The following VRK3 variants were observed in gnomAD, a reference collection of about 807,000 sequenced individuals.
VRK3 encodes VRK serine/threonine kinase 3, also known as serine/threonine-protein kinase VRK3.
In VRK3, 50 loss-of-function variants were observed where a neutral mutation model predicts 60.4. That is an observed-to-expected ratio of 0.83 (90% CI 0.66 to 1.05). The LOEUF is 1.05. VRK3 is among the 50% of genes least tolerant of loss of function. VRK3 has a pLI of 0.00. For missense variants in VRK3, 549 were observed against 585.3 expected, an observed-to-expected ratio of 0.94 and a Z score of 0.64; for synonymous variants, 246 against 227.8, an observed-to-expected ratio of 1.08 and a Z score of -0.72.
At chr19:49,981,938 A>AGAGG (rs2076429963) in intron 12 of VRK3, 1 of 696,394 alleles carries the variant, frequency 1.4e-6, no homozygotes, top group Non-Finnish European at 2.3e-6. Context: ...GCTGTGCCTG[A>AGAGG]GAGGGGGTCA....
At chr19:50,010,455 C>T (rs1053468885) in intron 3 of VRK3, among the ~76,000 whole-genome samples, 1 of 152,150 alleles carries the variant, frequency 6.6e-6, no homozygotes, top group African/African-American at 2.4e-5. Context: ...TGATGTTTGT[C>T]TTTAAAGGAT....
chr19:49,981,617 G>A (rs995735917), intron 12 of VRK3: 22 of 702,818 alleles, frequency 3.1e-5, no homozygotes, highest in Non-Finnish European at 3.9e-5. Context: ...TATGTAATAA[G>A]TATTGTTGAT....
In VRK3 at chr19:50,007,692, G is replaced by A. The variant is rs200043165; in HGVS notation, c.424C>T (p.Arg142Trp). The part of the protein sequence containing the change: ...KTRQSPQTLK[R>W]SRVTTSLEAL... ...TCAAGTGAGGTGGTCACTCGGCTCC[G>A]CTTCAGCGTCTGAGGGCTCTGCCTG... Residue 142 changes from arginine (R) to tryptophan (W), a missense_variant, in exon 5 of 15, where the codon CGG becomes TGG. By Grantham distance (101) the Arg-to-Trp change is moderately radical (BLOSUM62 -3). Transcript: ENST00000316763. The A allele has an allele frequency of 1.2e-5, 20 of 1,614,182 alleles. No individual in the cohort carries two copies. The highest frequency in any genetic ancestry group is 1.6e-5 in the Non-Finnish European group (19 of 1,180,044).
intron 6 of VRK3, chr19:49,998,958 A>T (rs1455787088): frequency 6.8e-6 from 1 of 148,072 alleles, no homozygotes; most frequent in African/African-American, 2.5e-5. Flanking sequence ...GAAAAAAAAA[A>T]AAAAAAAAAA....
In VRK3 at chr19:50,020,949, A is replaced by G. The variant is rs550035965; in HGVS notation, c.-64-302T>C. 2.6e-5 allele frequency among the ~76,000 whole-genome samples: 4 copies of G among 152,322 alleles called. No individual in the cohort carries two copies. In the East Asian group the frequency reaches 7.7e-4, roughly 29 times the overall value. ...TCAGATGGAGAAAGGGCTATGGAGG[A>G]CAATAAAGTACCATAGAAGAAAACA... On this transcript the variant is annotated intron_variant, in intron 1 of 14. Coordinates refer to ENST00000316763, the MANE Select transcript of VRK3 (RefSeq NM_016440.4).
chr19:49,992,759 T>C, intron 10 of VRK3, 101 bp downstream of exon 10: 1 of 1,077,836 alleles, frequency 9.3e-7, no homozygotes, highest in African/African-American at 1.6e-5. Flanking sequence ...TGGACAGCAA[T>C]CCTTTGTCTG....
At chr19:49,982,882 T>G (rs1295107714) in intron 12 of VRK3, among the ~76,000 whole-genome samples, 1 of 152,168 alleles carries the variant, frequency 6.6e-6, no homozygotes, top group Non-Finnish European at 1.5e-5. Context: ...CTTCTCTGCC[T>G]GGCCCATCGG....
At position 49,988,461 on chromosome 19, in the gene VRK3, C is replaced by T. The variant is rs755379143; in HGVS notation, c.1128G>A (p.Leu376=). ...GPSRRSDLQS[L]GYCMLKWLYG... ...AGAGCCACTTCAGCATGCAGTAGCC[C>T]AGGCTCTGGAGGTCGCTGCGGCGGG... The change falls in exon 12 of 15, where the codon CTG becomes CTA. Residue 376 remains leucine, a synonymous_variant. Transcript: ENST00000316763. 3.7e-6 allele frequency: 6 copies of T among 1,613,666 alleles called. No homozygotes were observed. Among genetic ancestry groups the T allele is most frequent in the Non-Finnish European group, 5.1e-6 (6 of 1,179,718 alleles).
intron 9 of VRK3, among the ~76,000 whole-genome samples, chr19:49,994,441 T>A (rs1327199608): frequency 6.6e-6 from 1 of 152,226 alleles, no homozygotes; most frequent in African/African-American, 2.4e-5. Context: ...ACACAAGCCT[T>A]GCCCCAGCTG....
At chr19:49,981,230 C>T (rs945220909) in intron 12 of VRK3, 5 of 588,544 alleles carry the variant, frequency 8.5e-6, no homozygotes, top group Non-Finnish European at 1.5e-5. Context: ...AAGCCTCTGG[C>T]CACACGATTT....
At chr19:50,002,774 ACT>A (rs2076831046) in intron 5 of VRK3, among the ~76,000 whole-genome samples, 2 of 151,992 alleles carry the variant, frequency 1.3e-5, no homozygotes, top group Admixed American at 6.6e-5. Flanking sequence ...AGGGCTCTAG[ACT>A]CTGTGATCTA....
intron 10 of VRK3, among the ~76,000 whole-genome samples, chr19:49,990,013 G>C (rs2076583046): frequency 1.3e-5 from 2 of 151,484 alleles, no homozygotes; most frequent in Non-Finnish European, 2.9e-5. Flanking sequence ...AGTTTCGTAT[G>C]CATCATTCCA....
intron 9 of VRK3, among the ~76,000 whole-genome samples, chr19:49,993,254 T>G (rs764930774): frequency 1.3e-5 from 2 of 152,226 alleles, no homozygotes; most frequent in Non-Finnish European, 2.9e-5. Flanking sequence ...TTAATGTCTC[T>G]CTGCAAAAAT....
chr19:49,980,353 G>A (rs934788858), intron 13 of VRK3, among the ~76,000 whole-genome samples: 2 of 152,188 alleles, frequency 1.3e-5, no homozygotes, highest in South Asian at 4.1e-4. Flanking sequence ...GGGCATGAAG[G>A]ATGGCCCCAG....
chr19:50,016,310 T>G (rs1176184184), intron 2 of VRK3, 147 bp from the exon 3 acceptor site: 2 of 1,057,468 alleles, frequency 1.9e-6, no homozygotes, highest in Non-Finnish European at 2.7e-6. Context: ...TCTTAAAACA[T>G]GCAATGGGAA....
intron 7 of VRK3, chr19:49,997,026 T>C (rs57217408): frequency 0.053 from 7,969 of 151,688 alleles, 690 homozygotes; most frequent in African/African-American, 0.18. Context: ...GCTCTGTTGC[T>C]CAGGCTGGAG....
intron 10 of VRK3, 121 bp downstream of exon 10, chr19:49,992,739 T>C: frequency 1.2e-6 from 1 of 867,398 alleles, no homozygotes; most frequent in African/African-American, 1.7e-5. Flanking sequence ...AAGGAGCTCT[T>C]TATATATGAT....
At chr19:49,984,185 T>C (rs2076473457) in intron 12 of VRK3, among the ~76,000 whole-genome samples, 1 of 152,126 alleles carries the variant, frequency 6.6e-6, no homozygotes, top group Non-Finnish European at 1.5e-5. Flanking sequence ...GAGGGGAGCC[T>C]TGGAGACCAG....
At chr19:49,981,326 C>A in intron 12 of VRK3, 1 of 334,330 alleles carries the variant, frequency 3.0e-6, no homozygotes, top group Non-Finnish European at 5.6e-6. Flanking sequence ...GGGGGTGGAT[C>A]ACGAGGTCAG....
Sources: gnomAD v4.1 joint callset for allele counts (sites outside exome capture counted in the v4.1 genomes callset) on GRCh38, gnomAD v4.1.1 for gene constraint, MANE v1.5 for transcripts, NCBI Gene and HGNC (gene_info 2026-07-23, HGNC 2026-07-21) for gene names.